The following SLC1A2 variants were observed in gnomAD, a reference collection of about 807,000 sequenced individuals.
SLC1A2 encodes the protein solute carrier family 1 member 2, also known as excitatory amino acid transporter 2.
A neutral mutation model predicts 48.8 loss-of-function variants in SLC1A2; 15 were observed. That is an observed-to-expected ratio of 0.31 (90% CI 0.21 to 0.47). SLC1A2 has a LOEUF of 0.47. Ranked by LOEUF, SLC1A2 falls within the 20% of genes least tolerant of loss-of-function variation. The pLI, the probability that SLC1A2 is intolerant of heterozygous loss-of-function variation, is 0.99. For missense variants in SLC1A2, 502 were observed against 730.5 expected, an observed-to-expected ratio of 0.69 and a Z score of 3.61; for synonymous variants, 279 against 272.6, an observed-to-expected ratio of 1.02 and a Z score of -0.23.
rs1200671171 is a variant in SLC1A2 at position 35,259,252 on chromosome 11, G to T, written c.*1642C>A. ...GGTCCATAAGCACCCTCATCTCAGA[G>T]AATTTGGATTCTATAAACCATGACT... On this transcript the variant is annotated 3_prime_UTR_variant, in exon 11 of 11. Transcript: ENST00000278379. 1 of 152,560 alleles carries T rather than the reference G, an allele frequency of 6.6e-6. No homozygotes were observed. Among genetic ancestry groups the T allele is most frequent in the Non-Finnish European group, 1.5e-5 (1 of 68,040 alleles). The allele number at this position is 152,560 out of a possible 1,614,324, so 9.5% of individuals were successfully genotyped here. A position where few individuals can be genotyped will look rare whatever the true frequency, so the allele number is the denominator to read the frequency against.
At chr11:35,406,073 AACAG>A (rs1299852878) in intron 1 of SLC1A2, among the ~76,000 whole-genome samples, 3 of 152,336 alleles carry the variant, frequency 2.0e-5, no homozygotes, top group Admixed American at 1.3e-4. Flanking sequence ...CAGGATAGTG[AACAG>A]ACAGACAAGA....
At chr11:35,370,723 G>A (rs1854032488) in intron 1 of SLC1A2, among the ~76,000 whole-genome samples, 1 of 152,086 alleles carries the variant, frequency 6.6e-6, no homozygotes, top group Admixed American at 6.5e-5. Context: ...TCTTATGTGA[G>A]AGGCTGTCTC....
intron 1 of SLC1A2, among the ~76,000 whole-genome samples, chr11:35,379,520 A>C (rs1383022265): frequency 6.6e-6 from 1 of 152,188 alleles, no homozygotes; most frequent in East Asian, 1.9e-4. Context: ...ATCACCTAGC[A>C]ATTTGGGAGC....
At chr11:35,365,753 C>T (rs899770386) in intron 1 of SLC1A2, among the ~76,000 whole-genome samples, 1 of 152,206 alleles carries the variant, frequency 6.6e-6, no homozygotes, top group Non-Finnish European at 1.5e-5. Flanking sequence ...CTGTCTGTCT[C>T]TCCCATCAGG....
intron 1 of SLC1A2, among the ~76,000 whole-genome samples, chr11:35,410,869 T>C (rs561661416): frequency 1.3e-5 from 2 of 152,286 alleles, no homozygotes; most frequent in East Asian, 1.9e-4. Flanking sequence ...CATTCCTTCA[T>C]AAGGATTTAC....
chr11:35,380,580 C>T (rs1854388859), intron 1 of SLC1A2: 2 of 395,216 alleles, frequency 5.1e-6, no homozygotes, highest in Non-Finnish European at 8.9e-6. Flanking sequence ...CTGTTTGTCT[C>T]CCTCTTTCCC....
At chr11:35,276,375 C>CCCAGCT (rs1401029333) in intron 9 of SLC1A2, among the ~76,000 whole-genome samples, 1 of 152,114 alleles carries the variant, frequency 6.6e-6, no homozygotes, top group African/African-American at 2.4e-5. Context: ...CTCCTTTCTT[C>CCCAGCT]CCAGCTCCAG....
intron 1 of SLC1A2, among the ~76,000 whole-genome samples, chr11:35,389,520 G>T (rs1034024669): frequency 2.0e-5 from 3 of 151,634 alleles, no homozygotes; most frequent in African/African-American, 7.3e-5. Context: ...ACCCTGGCTG[G>T]AGTGCAATGG....
intron 4 of SLC1A2, 106 bp from the exon 5 acceptor site, chr11:35,306,348 A>G: frequency 1.3e-6 from 1 of 777,126 alleles, no homozygotes; most frequent in Admixed American, 2.8e-5. Flanking sequence ...CAGGTTAACA[A>G]TAATTAAGAA....
intron 1 of SLC1A2, among the ~76,000 whole-genome samples, chr11:35,332,329 C>G (rs557518653): frequency 2.0e-5 from 3 of 152,218 alleles, no homozygotes; most frequent in Non-Finnish European, 4.4e-5. Context: ...AGGTGAAAAG[C>G]CTTCATCCCA....
At chr11:35,323,037 G>A (rs1468353765) in intron 1 of SLC1A2, 4 of 450,280 alleles carry the variant, frequency 8.9e-6, no homozygotes, top group African/African-American at 8.0e-5. Context: ...TCCTGCAAAT[G>A]AAACTTAAAG....
intron 10 of SLC1A2, chr11:35,261,525 T>C (rs975862494): frequency 5.0e-6 from 2 of 396,342 alleles, no homozygotes; most frequent in Admixed American, 4.4e-5. Flanking sequence ...ACAATGTTTA[T>C]CTAAATTACT....
rs539959182 is a variant in SLC1A2 at position 35,309,749 on chromosome 11, C to T, written c.561+2449G>A. ...GCACCCTTTCTCTCTGGAAATGCCA[C>T]GTCCCTTTAAAAGAGTTTCCTGTCC... On this transcript the variant is annotated intron_variant, in intron 4 of 10. Transcript: ENST00000278379. Among the ~76,000 whole-genome samples the T allele has an allele frequency of 1.4e-4, 21 of 152,324 alleles. No homozygotes were observed. In the South Asian group the frequency reaches 3.3e-3, roughly 24 times the overall value.
Position 35,329,759 on chromosome 11 carries a change from G to A in SLC1A2, c.18-12243C>T, listed in dbSNP as rs548078830. ...TCACTTCTACTCTAACCATCCCGCC[G>A]TTGGATAGCTTTGACTATTAAGAAG... On this transcript the variant is annotated intron_variant, in intron 1 of 10. Transcript: ENST00000278379. Among the ~76,000 whole-genome samples, 68 of 152,264 alleles carry A rather than the reference G, an allele frequency of 4.5e-4. 1 individual carries two copies. In the South Asian group the frequency reaches 0.011, roughly 26 times the overall value.
At chr11:35,342,687 G>A (rs1208416705) in intron 1 of SLC1A2, among the ~76,000 whole-genome samples, 2 of 152,082 alleles carry the variant, frequency 1.3e-5, no homozygotes, top group Non-Finnish European at 2.9e-5. Context: ...TTGGGAAGCC[G>A]AGGTGGAAGG....
intron 1 of SLC1A2, among the ~76,000 whole-genome samples, chr11:35,354,880 A>G (rs1197669758): frequency 1.3e-5 from 2 of 152,198 alleles, no homozygotes; most frequent in Admixed American, 1.3e-4. Flanking sequence ...GAAACATGAC[A>G]CATCTTCCAC....
At chr11:35,351,792 C>A (rs959852186) in intron 1 of SLC1A2, among the ~76,000 whole-genome samples, 3 of 152,078 alleles carry the variant, frequency 2.0e-5, no homozygotes, top group Non-Finnish European at 4.4e-5. Flanking sequence ...CATGCCACTA[C>A]GCCCTGTTAA....
Position 35,280,924 on chromosome 11 carries a change from G to A in SLC1A2, c.1364C>T (p.Thr455Ile). 6.2e-7 allele frequency: 1 copy of A among 1,613,404 alleles called. No individual in the cohort carries two copies. Among genetic ancestry groups the A allele is most frequent in the South Asian group, 1.1e-5 (1 of 90,922 alleles). Reference sequence around the variant, plus strand: ...GTCCTCTGTTGGCAGGCCCACGGCTGTCAGAATGAGGAGCATGGTGACCAG... The same window carrying A: ...GTCCTCTGTTGGCAGGCCCACGGCTATCAGAATGAGGAGCATGGTGACCAG... ...AGLVTMLLIL[T>I]AVGLPTEDIS... The change falls in exon 9 of 11, where the codon ACA becomes ATA. Residue 455 changes from threonine (T) to isoleucine (I), a missense_variant. Thr to Ile is a moderately conservative substitution (Grantham distance 89). Transcript: ENST00000278379.
intron 1 of SLC1A2, among the ~76,000 whole-genome samples, chr11:35,398,426 C>T (rs902493046): frequency 6.6e-6 from 1 of 152,136 alleles, no homozygotes; most frequent in Admixed American, 6.5e-5. Context: ...AACCAAACAC[C>T]ACATGTTCTC....
Sources: allele counts gnomAD v4.1 joint callset (sites outside exome capture counted in the v4.1 genomes callset), GRCh38; gene constraint gnomAD v4.1.1; transcripts MANE v1.5; gene names NCBI Gene and HGNC (gene_info 2026-07-23, HGNC 2026-07-21).